Variants in MYRIP observed in about 807,000 individuals in gnomAD.
MYRIP encodes the protein rab effector MyRIP.
In MYRIP, 49 loss-of-function variants were observed where a neutral mutation model predicts 98.0. The ratio of observed to expected loss-of-function variants is 0.50; its 90% CI spans 0.40 to 0.63. MYRIP has a LOEUF of 0.63. Among genes scored for constraint, MYRIP ranks in the 30% least tolerant of loss-of-function variants. MYRIP has a pLI of 0.00. For synonymous variants in MYRIP, 404 were observed against 409.5 expected (o/e 0.99, Z 0.16); for missense variants, 1,004 against 1,058.2 (o/e 0.95, Z 0.71).
At chr3:40,245,741 T>G (rs1452904904) in intron 13 of MYRIP, among the ~76,000 whole-genome samples, 1 of 85,494 alleles carries the variant, frequency 1.2e-5, no homozygotes, top group Non-Finnish European at 2.0e-5. Context: ...GACCCCTGGT[T>G]TGCTGATTTT....
At chr3:40,091,245 A>G (rs1022465103) in intron 3 of MYRIP, among the ~76,000 whole-genome samples, 1 of 146,748 alleles carries the variant, frequency 6.8e-6, no homozygotes, top group East Asian at 2.5e-4. Context: ...GGGTCTGGCT[A>G]TGAGAGTGAG....
intron 9 of MYRIP, among the ~76,000 whole-genome samples, chr3:40,189,532 T>TG (rs1292187864): frequency 6.6e-6 from 1 of 151,908 alleles, no homozygotes; most frequent in Non-Finnish European, 1.5e-5. Flanking sequence ...AGGGCAGGAG[T>TG]GGGACAGTGC....
At chr3:40,131,782 T>C (rs1949648422) in intron 3 of MYRIP, among the ~76,000 whole-genome samples, 1 of 152,224 alleles carries the variant, frequency 6.6e-6, no homozygotes, top group African/African-American at 2.4e-5. Flanking sequence ...TTTTAATTAT[T>C]ATATATTTGT....
At chr3:39,877,292 C>T (rs531964841) in intron 1 of MYRIP, among the ~76,000 whole-genome samples, 99 of 152,138 alleles carry the variant, frequency 6.5e-4, no homozygotes, top group African/African-American at 2.3e-3. Flanking sequence ...TTTGAATGTC[C>T]TCCCGTAGCT....
chr3:39,822,166 C>G lies in MYRIP; in HGVS notation c.-31+12250C>G, dbSNP rs541654206. On this transcript the variant is annotated intron_variant, in intron 1 of 16. Coordinates refer to ENST00000302541, the MANE Select transcript of MYRIP (RefSeq NM_015460.4). ...TAAGTCTGTGTTTAAGAGAGCTATA[C>G]TATATTATATTTTTAAGTTGACATA... Among the ~76,000 whole-genome samples the G allele has an allele frequency of 2.1e-4, 32 of 152,222 alleles. 1 individual carries two copies. The South Asian group carries it at 6.6e-3, about 32-fold the overall frequency.
At chr3:40,159,327 C>G (rs1320833725) in intron 4 of MYRIP, among the ~76,000 whole-genome samples, 1 of 152,200 alleles carries the variant, frequency 6.6e-6, no homozygotes, top group African/African-American at 2.4e-5. Context: ...TTGGCCCCCA[C>G]TCTCTTCTGG....
chr3:40,044,207 A>G lies in MYRIP; in HGVS notation c.268A>G (p.Lys90Glu), dbSNP rs759972125. The G allele has an allele frequency of 2.2e-5, 35 of 1,614,084 alleles. No homozygotes were observed. Among genetic ancestry groups the G allele is most frequent in the Non-Finnish European group, 2.9e-5 (34 of 1,180,040 alleles). ...TGGAGATTGCAAATTCAATGTCTGC[A>G]AGAGCTGCTGCTCCTACCAGAAGCA... ...QCGDCKFNVC[K>E]SCCSYQKHEK... The change falls in exon 3 of 17, where the codon AAG becomes GAG. Residue 90 changes from lysine (K) to glutamate (E), a missense_variant. Transcript: ENST00000302541.
At chr3:39,997,361 G>A (rs574663693) in intron 2 of MYRIP, among the ~76,000 whole-genome samples, 37 of 150,762 alleles carry the variant, frequency 2.5e-4, no homozygotes, top group African/African-American at 4.4e-4. Context: ...TATCACCACC[G>A]ATCCCACAGA....
intron 2 of MYRIP, among the ~76,000 whole-genome samples, chr3:39,995,122 T>G (rs1037521200): frequency 3.9e-5 from 6 of 152,062 alleles, no homozygotes; most frequent in African/African-American, 1.4e-4. Context: ...ACTCTAAATA[T>G]CAGAGTGCCT....
intron 2 of MYRIP, among the ~76,000 whole-genome samples, chr3:39,905,139 A>G (rs1055559433): frequency 5.3e-5 from 8 of 152,180 alleles, no homozygotes; most frequent in Non-Finnish European, 8.8e-5. Flanking sequence ...ATGTGTCAAA[A>G]AGTTCATATT....
At chr3:40,139,892 T>G (rs753066521) in intron 3 of MYRIP, among the ~76,000 whole-genome samples, 23 of 152,238 alleles carry the variant, frequency 1.5e-4, no homozygotes, top group Non-Finnish European at 3.1e-4. Context: ...CAGTTCCTTT[T>G]TATTGTTGAA....
chr3:40,092,277 C>T (rs937865154), intron 3 of MYRIP, among the ~76,000 whole-genome samples: 1 of 152,130 alleles, frequency 6.6e-6, no homozygotes, highest in East Asian at 1.9e-4. Context: ...CACCCTAAAG[C>T]CCCCAAGATG....
chr3:39,927,008 C>A lies in MYRIP; in HGVS notation c.110+26082C>A, dbSNP rs116171021. Among the ~76,000 whole-genome samples, 1,050 of 152,114 alleles carry A rather than the reference C, an allele frequency of 6.9e-3. 9 individuals are homozygous for A. Among genetic ancestry groups the A allele is most frequent in the Non-Finnish European group, 7.3e-3 (497 of 67,930 alleles). ...TTATGTCATCTGTAAATTCTTTCAG[C>A]AGGGTTGTGTAGTTCTCCTTGAGAG... On this transcript the variant is annotated intron_variant, in intron 2 of 16. Transcript: ENST00000302541.
intron 2 of MYRIP, among the ~76,000 whole-genome samples, chr3:39,979,920 T>A (rs1440127420): frequency 1.3e-5 from 2 of 152,208 alleles, no homozygotes; most frequent in Non-Finnish European, 2.9e-5. Flanking sequence ...AAGATCTGTT[T>A]AAATCATTCA....
At chr3:39,985,161 C>T (rs1444869185) in intron 2 of MYRIP, among the ~76,000 whole-genome samples, 4 of 151,704 alleles carry the variant, frequency 2.6e-5, no homozygotes, top group East Asian at 1.9e-4. Context: ...TATACACCAA[C>T]AACAGACAAA....
intron 3 of MYRIP, among the ~76,000 whole-genome samples, chr3:40,142,060 T>A (rs909246218): frequency 6.7e-6 from 1 of 148,862 alleles, no homozygotes; most frequent in Admixed American, 6.7e-5. Flanking sequence ...TTTTTTTTTT[T>A]TTTTTTTTTT....
At chr3:39,996,374 G>T (rs1340574939) in intron 2 of MYRIP, among the ~76,000 whole-genome samples, 3 of 152,122 alleles carry the variant, frequency 2.0e-5, no homozygotes, top group African/African-American at 7.2e-5. Context: ...AAAGGCAGGG[G>T]TTGCAATCCT....
chr3:40,033,530 T>C (rs1410208705), intron 2 of MYRIP, among the ~76,000 whole-genome samples: 1 of 152,162 alleles, frequency 6.6e-6, no homozygotes, highest in Non-Finnish European at 1.5e-5. Context: ...GAAGGACCTC[T>C]TCAAGGAGAA....
At chr3:40,240,910 C>A (rs141653562) in intron 12 of MYRIP, among the ~76,000 whole-genome samples, 1 of 152,102 alleles carries the variant, frequency 6.6e-6, no homozygotes, top group African/African-American at 2.4e-5. Context: ...GAGGGTGGAA[C>A]AGTAGCAATA....
Sources: allele counts gnomAD v4.1 joint callset (sites outside exome capture counted in the v4.1 genomes callset), GRCh38; gene constraint gnomAD v4.1.1; transcripts MANE v1.5; gene names NCBI Gene and HGNC (gene_info 2026-07-23, HGNC 2026-07-21).